The following KCNH1 variants were observed in gnomAD, a reference collection of about 807,000 sequenced individuals.
KCNH1 encodes the protein voltage-gated delayed rectifier potassium channel KCNH1.
A neutral mutation model predicts 69.2 loss-of-function variants in KCNH1; 27 were observed. The ratio of observed to expected loss-of-function variants is 0.39; its 90% confidence interval spans 0.29 to 0.54. The LOEUF (loss-of-function observed/expected upper bound fraction) is 0.54. Ranked by LOEUF, KCNH1 falls within the 20% of genes least tolerant of loss-of-function variation. The pLI, the probability that KCNH1 is intolerant of heterozygous loss-of-function variation, is 0.68. For synonymous variants in KCNH1, 456 were observed against 487.7 expected (o/e 0.93, Z 0.86); for missense variants, 798 against 1,261.6 (o/e 0.63, Z 5.57).
chr1:211,026,916 T>C (rs1689694530), intron 5 of KCNH1, among the ~76,000 whole-genome samples: 1 of 152,114 alleles, frequency 6.6e-6, no homozygotes. Context: ...GAGTGTGAAA[T>C]CTGTATGTTT....
At chr1:210,918,473 T>C (rs1460951646) in intron 7 of KCNH1, among the ~76,000 whole-genome samples, 2 of 152,198 alleles carry the variant, frequency 1.3e-5, no homozygotes, top group Non-Finnish European at 2.9e-5. Flanking sequence ...TTGTTTGCTT[T>C]TTCCATCCCA....
At chr1:210,701,918 C>T (rs952625033) in intron 10 of KCNH1, among the ~76,000 whole-genome samples, 6 of 152,102 alleles carry the variant, frequency 3.9e-5, no homozygotes, top group South Asian at 4.2e-4. Flanking sequence ...ATCCTCTAGT[C>T]GTTCTTCAGG....
At chr1:210,985,940 G>T (rs997096397) in intron 6 of KCNH1, among the ~76,000 whole-genome samples, 5 of 152,144 alleles carry the variant, frequency 3.3e-5, no homozygotes, top group Admixed American at 6.5e-5. Flanking sequence ...AGGTCGCTAA[G>T]GACTTGCTTT....
chr1:210,745,645 A>G (rs529045004), intron 10 of KCNH1, among the ~76,000 whole-genome samples: 156 of 152,240 alleles, frequency 1.0e-3, no homozygotes, highest in African/African-American at 3.5e-3. Flanking sequence ...CACACTGGGG[A>G]ACTAGCTTTT....
intron 3 of KCNH1, among the ~76,000 whole-genome samples, chr1:211,091,381 G>T (rs1430404938): frequency 6.6e-6 from 1 of 151,886 alleles, no homozygotes; most frequent in Non-Finnish European, 1.5e-5. Context: ...CGGCCAGGGT[G>T]CTCTCGAACT....
At chr1:210,953,551 G>A (rs955371789) in intron 6 of KCNH1, among the ~76,000 whole-genome samples, 3 of 152,008 alleles carry the variant, frequency 2.0e-5, no homozygotes, top group Admixed American at 6.6e-5. Flanking sequence ...CATAGCCCTC[G>A]TCTTCTCTTG....
chr1:211,103,447 A>G, intron 3 of KCNH1, 49 bp downstream of exon 3: 1 of 1,165,422 alleles, frequency 8.6e-7, no homozygotes, highest in Non-Finnish European at 1.2e-6. Flanking sequence ...GAGATATTTT[A>G]CTATTTCAAA....
intron 7 of KCNH1, among the ~76,000 whole-genome samples, chr1:210,898,311 T>C (rs886420960): frequency 6.6e-6 from 1 of 152,108 alleles, no homozygotes; most frequent in Admixed American, 6.5e-5. Flanking sequence ...GGCAAAAAAA[T>C]ATGCCATTTA....
At chr1:210,762,723 A>T (rs1490331785) in intron 10 of KCNH1, among the ~76,000 whole-genome samples, 2 of 152,152 alleles carry the variant, frequency 1.3e-5, no homozygotes, top group Non-Finnish European at 2.9e-5. Flanking sequence ...GAATTGAACC[A>T]GTAATAAAAA....
At chr1:210,806,822 A>ATATATATATATATATATATATATATATAT (rs1553346543) in intron 7 of KCNH1, among the ~76,000 whole-genome samples, 3 of 42,106 alleles carry the variant, frequency 7.1e-5, no homozygotes, top group Admixed American at 2.3e-4. Context: ...AAAAAAAAAA[A>ATATATATATATATATATATATATATATAT]AAAAAAAAAA....
chr1:211,080,458 GA>G (rs1323950441), intron 5 of KCNH1, among the ~76,000 whole-genome samples: 1 of 152,028 alleles, frequency 6.6e-6, no homozygotes, highest in African/African-American at 2.4e-5. Context: ...CACAGAATTG[GA>G]AAAAACTACT....
intron 7 of KCNH1, among the ~76,000 whole-genome samples, chr1:210,854,932 G>A (rs1257171762): frequency 6.6e-6 from 1 of 152,188 alleles, no homozygotes; most frequent in Admixed American, 6.5e-5. Context: ...CAACCCCTGG[G>A]CTGGGAAGTA....
chr1:210,915,546 C>CA (rs1687318016), intron 7 of KCNH1, among the ~76,000 whole-genome samples: 1 of 151,140 alleles, frequency 6.6e-6, no homozygotes, highest in African/African-American at 2.4e-5. Flanking sequence ...ACAGGGAAGG[C>CA]AGGGAAACCA....
intron 7 of KCNH1, among the ~76,000 whole-genome samples, chr1:210,830,326 G>A (rs1386696194): frequency 6.6e-6 from 1 of 152,174 alleles, no homozygotes; most frequent in Non-Finnish European, 1.5e-5. Context: ...CCTCAGTGAA[G>A]CCATATCAAA....
chr1:210,793,057 A>G (rs756224594), intron 9 of KCNH1, among the ~76,000 whole-genome samples: 9 of 152,256 alleles, frequency 5.9e-5, no homozygotes, highest in Non-Finnish European at 1.0e-4. Context: ...AATCTAATGA[A>G]TAAAATGCAC....
At chr1:211,105,616 A>G (rs957626811) in intron 2 of KCNH1, among the ~76,000 whole-genome samples, 1 of 152,362 alleles carries the variant, frequency 6.6e-6, no homozygotes, top group Non-Finnish European at 1.5e-5. Flanking sequence ...TGTGCATAAA[A>G]GAAAAGTTGG....
intron 5 of KCNH1, among the ~76,000 whole-genome samples, chr1:211,053,951 C>G (rs1276720047): frequency 6.6e-6 from 1 of 152,058 alleles, no homozygotes; most frequent in African/African-American, 2.4e-5. Flanking sequence ...TGAAAAATAA[C>G]TACACAGAAT....
intron 7 of KCNH1, among the ~76,000 whole-genome samples, chr1:210,841,289 A>G (rs1176595589): frequency 6.6e-6 from 1 of 152,162 alleles, no homozygotes; most frequent in African/African-American, 2.4e-5. Context: ...TATTAATACC[A>G]TAAAAGGCCA....
intron 8 of KCNH1, among the ~76,000 whole-genome samples, chr1:210,802,262 A>G (rs142524888): frequency 5.9e-5 from 9 of 152,340 alleles, no homozygotes; most frequent in African/African-American, 1.2e-4. Flanking sequence ...ATTCAGTTCA[A>G]TGTTTCCTTT....
Sources: allele counts gnomAD v4.1 joint callset (sites outside exome capture counted in the v4.1 genomes callset), GRCh38; gene constraint gnomAD v4.1.1; transcripts MANE v1.5; gene names NCBI Gene and HGNC (gene_info 2026-07-23, HGNC 2026-07-21).